IL23R: variants seen among roughly 807,000 people sequenced by gnomAD.
The protein encoded by IL23R is interleukin 23 receptor.
Under a neutral mutation model 56.9 loss-of-function variants are expected in IL23R, and 34 were observed. That is an observed-to-expected ratio of 0.60 (90% CI 0.45 to 0.80). The LOEUF is 0.80. Among genes scored for constraint, IL23R ranks in the 30% least tolerant of loss-of-function variants. The pLI, the probability that IL23R is intolerant of heterozygous loss-of-function variation, is 0.00. For missense variants in IL23R, 635 were observed against 730.0 expected (o/e 0.87, Z 1.50); for synonymous variants, 230 against 249.2 (o/e 0.92, Z 0.73).
At chr1:67,227,831 T>C (rs112604033) in intron 7 of IL23R, among the ~76,000 whole-genome samples, 51 of 152,252 alleles carry the variant, frequency 3.3e-4, no homozygotes, top group Non-Finnish European at 6.3e-4. Flanking sequence ...GGTTTAACTT[T>C]CTTCAGGTCC....
upstream of IL23R, chr1:67,138,802 T>C (rs1381836806): frequency 6.6e-6 from 1 of 152,330 alleles, no homozygotes; most frequent in Non-Finnish European, 1.5e-5. Context: ...ACTTCAGAAC[T>C]TCTGCAGCCC....
intron 1 of IL23R, among the ~76,000 whole-genome samples, chr1:67,166,815 A>T (rs1646878590): frequency 6.6e-6 from 1 of 152,148 alleles, no homozygotes; most frequent in Non-Finnish European, 1.5e-5. Flanking sequence ...AATGAAAGGG[A>T]TCCCTATATT....
upstream of IL23R, among the ~76,000 whole-genome samples, chr1:67,162,444 G>A (rs1186264774): frequency 6.6e-6 from 1 of 151,936 alleles, no homozygotes; most frequent in Admixed American, 6.6e-5. Flanking sequence ...CCGAGATCGC[G>A]CCACTGCACT....
chr1:67,244,557 A>G (rs1652083404), intron 9 of IL23R, among the ~76,000 whole-genome samples: 1 of 152,084 alleles, frequency 6.6e-6, no homozygotes, highest in Non-Finnish European at 1.5e-5. Flanking sequence ...AACACAATTT[A>G]TTAAATAGGG....
intron 8 of IL23R, among the ~76,000 whole-genome samples, chr1:67,237,991 C>A (rs1043417519): frequency 6.6e-6 from 1 of 152,094 alleles, no homozygotes; most frequent in African/African-American, 2.4e-5. Flanking sequence ...TCTAGCCAGA[C>A]AGGGCAGAAA....
At chr1:67,155,350 G>A (rs577192957) in intron 1 of IL23R, among the ~76,000 whole-genome samples, 12 of 152,222 alleles carry the variant, frequency 7.9e-5, no homozygotes, top group Non-Finnish European at 1.0e-4. Flanking sequence ...TTGCTAGGTT[G>A]GGGAAGTTCT....
At chr1:67,232,121 T>A (rs918858618) in intron 7 of IL23R, among the ~76,000 whole-genome samples, 3 of 152,222 alleles carry the variant, frequency 2.0e-5, no homozygotes, top group Non-Finnish European at 4.4e-5. Flanking sequence ...ACATTTTTTT[T>A]AAATAATAGT....
intron 1 of IL23R, among the ~76,000 whole-genome samples, chr1:67,142,113 C>T (rs1456886402): frequency 1.3e-5 from 2 of 152,180 alleles, no homozygotes; most frequent in East Asian, 3.8e-4. Flanking sequence ...GAAAAACAGG[C>T]AGTCAATTTT....
chr1:67,257,691 CTTTA>C (rs1356021766), intron 10 of IL23R, among the ~76,000 whole-genome samples: 1 of 151,994 alleles, frequency 6.6e-6, no homozygotes, highest in Non-Finnish European at 1.5e-5. Flanking sequence ...TTGTGAGTAG[CTTTA>C]TTTATTTATT....
intron 1 of IL23R, among the ~76,000 whole-genome samples, chr1:67,166,867 T>C (rs1043069695): frequency 1.3e-5 from 2 of 152,200 alleles, no homozygotes; most frequent in African/African-American, 4.8e-5. Context: ...TGTTACTAGA[T>C]ATTTTATGCG....
At chr1:67,197,449 G>C (rs1390072381) in intron 4 of IL23R, among the ~76,000 whole-genome samples, 1 of 152,202 alleles carries the variant, frequency 6.6e-6, no homozygotes, top group Non-Finnish European at 1.5e-5. Context: ...GGTAGTTCAA[G>C]GGGCTCAAGA....
chr1:67,139,739 T>A (rs1283365934), intron 1 of IL23R, among the ~76,000 whole-genome samples: 1 of 152,160 alleles, frequency 6.6e-6, no homozygotes, highest in Non-Finnish European at 1.5e-5. Context: ...GATAAAGTCT[T>A]GCTATGTTGC....
chr1:67,205,935 TTC>T (rs780179951), intron 5 of IL23R, among the ~76,000 whole-genome samples: 9 of 150,346 alleles, frequency 6.0e-5, no homozygotes, highest in African/African-American at 1.5e-4. Context: ...TTTTCTTTCT[TTC>T]TTTCTCTTTT....
At chr1:67,195,373 G>T (rs1648064799) in intron 4 of IL23R, among the ~76,000 whole-genome samples, 1 of 152,150 alleles carries the variant, frequency 6.6e-6, no homozygotes, top group Non-Finnish European at 1.5e-5. Flanking sequence ...GTTGTTTAAT[G>T]AGTCCTTCAT....
Position 67,200,728 on chromosome 1 carries a change from T to C in IL23R, c.492-9T>C, listed in dbSNP as rs546101785. 1.9e-6 allele frequency: 3 copies of C among 1,611,526 alleles called. No homozygotes were observed. The highest frequency in any genetic ancestry group is 1.7e-6 in the Non-Finnish European group (2 of 1,177,836). On this transcript the variant is annotated splice_polypyrimidine_tract_variant and intron_variant, in intron 4 of 10. Coordinates refer to ENST00000347310, the MANE Select transcript of IL23R (RefSeq NM_144701.3). ...ACAATTTATGATCATCTTTTTTTTT[T>C]GTTTTAAGTTTAGAGACAGAAGAAG...
At chr1:67,234,275 T>G (rs1358597278) in intron 7 of IL23R, among the ~76,000 whole-genome samples, 1 of 152,242 alleles carries the variant, frequency 6.6e-6, no homozygotes, top group Non-Finnish European at 1.5e-5. Context: ...CAATTTTGTT[T>G]ATAAATTGTC....
chr1:67,212,543 C>CTTT (rs71663275), intron 6 of IL23R, among the ~76,000 whole-genome samples: 13 of 145,090 alleles, frequency 9.0e-5, no homozygotes, highest in African/African-American at 2.3e-4. Context: ...GTCATGCAAT[C>CTTT]TTTTTTTTTT....
At chr1:67,261,569 A>G (rs1222574586), downstream of IL23R, among the ~76,000 whole-genome samples, 1 of 152,130 alleles carries the variant, frequency 6.6e-6, no homozygotes, top group African/African-American at 2.4e-5. Context: ...ATGAAATGCT[A>G]ATCTTAAATA....
At chr1:67,193,434 T>C (rs1040296624) in intron 4 of IL23R, among the ~76,000 whole-genome samples, 1 of 152,190 alleles carries the variant, frequency 6.6e-6, no homozygotes, top group Non-Finnish European at 1.5e-5. Context: ...ATATAGTCAG[T>C]GTTAAATAAA....
Sources: allele counts gnomAD v4.1 joint callset (sites outside exome capture counted in the v4.1 genomes callset), GRCh38; gene constraint gnomAD v4.1.1; transcripts MANE v1.5; gene names NCBI Gene and HGNC (gene_info 2026-07-23, HGNC 2026-07-21).